RPS27L: variants seen among roughly 807,000 people sequenced by gnomAD.
RPS27L encodes the protein ribosomal protein eS27-like.
RPS27L carries 10 observed loss-of-function variants against 12.8 expected under a neutral mutation model. The ratio of observed to expected loss-of-function variants is 0.78; its 90% CI spans 0.48 to 1.33. The LOEUF (loss-of-function observed/expected upper bound fraction) is 1.33. Among genes scored for constraint, RPS27L ranks in the 40% most tolerant of loss-of-function variants. RPS27L has a pLI of 0.00. For synonymous variants in RPS27L, 26 were observed against 32.3 expected (o/e 0.81, Z 0.66); for missense variants, 81 against 97.4 (o/e 0.83, Z 0.71).
At position 63,157,397 on chromosome 15, in the gene RPS27L, C is replaced by CA; in HGVS notation, c.6+2dup. 6.2e-7 allele frequency: 1 copy of CA among 1,614,156 alleles called. No individual in the cohort carries two copies. Among genetic ancestry groups the CA allele is most frequent in the Non-Finnish European group, 8.5e-7 (1 of 1,179,986 alleles). On this transcript the variant is annotated splice_region_variant and intron_variant, in intron 1 of 3. Coordinates refer to ENST00000330964, the MANE Select transcript of RPS27L (RefSeq NM_015920.4). ...AACCCGGAGCCCGATGTAAACAACT[C>CA]ACAGGCATGTTGATCCTCTTGCAAG...
Position 63,155,712 on chromosome 15 carries a change from C to T in RPS27L, c.135G>A (p.Thr45=), listed in dbSNP as rs1249857874. 6.6e-7 allele frequency: 1 copy of T among 1,506,624 alleles called. No individual in the cohort carries two copies. The highest frequency in any genetic ancestry group is 2.4e-5 in the East Asian group (1 of 40,920). 93.3% of individuals were successfully genotyped at this position (1,506,624 alleles called of 1,614,324 possible). ...VKCPGCYKIT[T]VFSHAQTVVL... ...CCACTGTCTGAGCATGGCTGAAAAC[C>T]GTGGTGATCTTGTAGCAACCTAAAA... The change falls in exon 3 of 4, where the codon ACG becomes ACA. Residue 45 remains threonine, a synonymous_variant. Transcript: ENST00000330964.
Position 63,153,870 on chromosome 15 carries a change from C to A in RPS27L, c.*162G>T. 1 of 610,464 alleles carries A rather than the reference C, an allele frequency of 1.6e-6. No individual in the cohort carries two copies. The highest frequency in any genetic ancestry group is 2.9e-6 in the Non-Finnish European group (1 of 340,748). 37.8% of individuals were successfully genotyped at this position (610,464 alleles called of 1,614,324 possible). ...AGAGGGGATTTGCCCATAATCAAAA[C>A]TTTATTGAAAAACTGACACCAAAAT... On this transcript the variant is annotated 3_prime_UTR_variant, in exon 4 of 4. Coordinates refer to ENST00000330964, the MANE Select transcript of RPS27L (RefSeq NM_015920.4).
intron 3 of RPS27L, chr15:63,154,669 G>C (rs1182128505): frequency 6.6e-6 from 1 of 152,106 alleles, no homozygotes; most frequent in African/African-American, 2.4e-5. Flanking sequence ...AACTCTTCCA[G>C]TGAGAGCATG....
chr15:63,149,049 C>T lies in RPS27L; in HGVS notation c.*4983G>A, dbSNP rs6494396. On this transcript the variant is annotated 3_prime_UTR_variant, in exon 4 of 4. Transcript: ENST00000330964. ...AATTTTTGTATTTTTAGCAGAGACG[C>T]GGTTTCATCATGTTGGCCAGGATGG... The T allele has an allele frequency of 6.6e-6, 1 of 151,274 alleles. No individual in the cohort carries two copies. Among genetic ancestry groups the T allele is most frequent in the Admixed American group, 6.6e-5 (1 of 15,190 alleles). The allele number at this position is 151,274 out of a possible 1,614,324, so 9.4% of individuals were successfully genotyped here.
In RPS27L at chr15:63,153,011, T is replaced by C. The variant is rs1338419718; in HGVS notation, c.*1021A>G. 1.3e-5 allele frequency: 2 copies of C among 152,192 alleles called. No homozygotes were observed. The highest frequency in any genetic ancestry group is 2.9e-5 in the Non-Finnish European group (2 of 68,052). 9.4% of individuals were successfully genotyped at this position (152,192 alleles called of 1,614,324 possible). On this transcript the variant is annotated 3_prime_UTR_variant, in exon 4 of 4. Coordinates refer to ENST00000330964, the MANE Select transcript of RPS27L (RefSeq NM_015920.4). ...ATCTTCCTAGTCCAATGAGGAGTTGTATAGTGAGTGGATACACTCCCCGTC... is the reference window on the plus strand; with the variant it reads ...ATCTTCCTAGTCCAATGAGGAGTTGCATAGTGAGTGGATACACTCCCCGTC...
At chr15:63,155,367 A>C (rs2037325391) in intron 3 of RPS27L, 1 of 397,244 alleles carries the variant, frequency 2.5e-6, no homozygotes, top group African/African-American at 2.1e-5. Context: ...TTCTATTCTG[A>C]CTTAATTTAT....
Position 63,150,255 on chromosome 15 carries a change from A to G in RPS27L, c.*3777T>C, listed in dbSNP as rs745891648. The G allele has an allele frequency of 6.6e-6, 1 of 152,232 alleles. No individual in the cohort carries two copies. The highest frequency in any genetic ancestry group is 1.5e-5 in the Non-Finnish European group (1 of 68,038). The allele number at this position is 152,232 out of a possible 1,614,324, so 9.4% of individuals were successfully genotyped here. ...GTGAAACATACAGAAGCTACATACC[A>G]TGTGATTCCATTTATACGAAATAGC... On this transcript the variant is annotated 3_prime_UTR_variant, in exon 4 of 4. Transcript: ENST00000330964.
rs1299098101 is a variant in RPS27L, at chr15:63,152,517, G to T, written c.*1515C>A. ...TTTTTTTCTTTTTTTTTTTGAGACG[G>T]AGTTTCGTGCTTGTTGCCCAGGCTA... On this transcript the variant is annotated 3_prime_UTR_variant, in exon 4 of 4. Transcript: ENST00000330964. 2 of 143,732 alleles carry T rather than the reference G, an allele frequency of 1.4e-5. No homozygotes were observed. The highest frequency in any genetic ancestry group is 2.6e-5 in the African/African-American group (1 of 38,808). 8.9% of individuals were successfully genotyped at this position (143,732 alleles called of 1,614,324 possible).
At chr15:63,155,458 G>C in intron 3 of RPS27L, 163 bp downstream of exon 3, 2 of 491,354 alleles carry the variant, frequency 4.1e-6, no homozygotes, top group Non-Finnish European at 7.3e-6. Flanking sequence ...AAGGTCAAGA[G>C]TATAAATATA....
At position 63,151,391 on chromosome 15, in the gene RPS27L, GC is replaced by G. The variant is rs1355364129; in HGVS notation, c.*2640del. ...TGGGACTACAGGTGTACACCACCAC[GC>G]CCAGCTAATTTTTGTATGTTTAGTA... On this transcript the variant is annotated 3_prime_UTR_variant, in exon 4 of 4. Transcript: ENST00000330964. The G allele has an allele frequency of 1.3e-5, 2 of 151,998 alleles. No individual in the cohort carries two copies. The highest frequency in any genetic ancestry group is 2.4e-5 in the African/African-American group (1 of 41,364). The allele number at this position is 151,998 out of a possible 1,614,324, so 9.4% of individuals were successfully genotyped here.
Position 63,148,358 on chromosome 15 carries a change from TAAAGA to T in RPS27L, c.*5669_*5673del, listed in dbSNP as rs2037277844. The T allele has an allele frequency of 6.6e-6, 1 of 150,700 alleles. No individual in the cohort carries two copies. Among genetic ancestry groups the T allele is most frequent in the African/African-American group, 2.4e-5 (1 of 40,936 alleles). The allele number at this position is 150,700 out of a possible 1,614,324, so 9.3% of individuals were successfully genotyped here. A position where few individuals can be genotyped will look rare whatever the true frequency, so the allele number is the denominator to read the frequency against. On this transcript the variant is annotated 3_prime_UTR_variant, in exon 4 of 4. Coordinates refer to ENST00000330964, the MANE Select transcript of RPS27L (RefSeq NM_015920.4). ...GGTATTTTAATTAGTTGGCTACAAA[TAAAGA>T]AAAAACACAACTTCAAATTAATACA... is the stretch of plus-strand genomic sequence containing the variant.
At position 63,149,140 on chromosome 15, in the gene RPS27L, C is replaced by T. The variant is rs1193833243; in HGVS notation, c.*4892G>A. 2.0e-5 allele frequency: 3 copies of T among 152,106 alleles called. No individual in the cohort carries two copies. Among genetic ancestry groups the T allele is most frequent in the African/African-American group, 4.8e-5 (2 of 41,414 alleles). The allele number at this position is 152,106 out of a possible 1,614,324, so 9.4% of individuals were successfully genotyped here. On this transcript the variant is annotated 3_prime_UTR_variant, in exon 4 of 4. Coordinates refer to ENST00000330964, the MANE Select transcript of RPS27L (RefSeq NM_015920.4). ...AAGTGTTGGGATTACAGGCGTGAGC[C>T]ACCGCGCCCGGCCCCTGATGTCATT... is the stretch of plus-strand genomic sequence containing the variant.
chr15:63,157,345 T>A, intron 1 of RPS27L, 55 bp downstream of exon 1: 1 of 1,605,682 alleles, frequency 6.2e-7, no homozygotes. Context: ...CCGTCCCATA[T>A]GACTCTCGGT....
At position 63,152,519 on chromosome 15, in the gene RPS27L, G is replaced by A. The variant is rs1042429169; in HGVS notation, c.*1513C>T. 29 of 145,362 alleles carry A rather than the reference G, an allele frequency of 2.0e-4. No individual in the cohort carries two copies. Among genetic ancestry groups the A allele is most frequent in the African/African-American group, 7.4e-4 (29 of 39,006 alleles). 9.0% of individuals were successfully genotyped at this position (145,362 alleles called of 1,614,324 possible). A position where few individuals can be genotyped will look rare whatever the true frequency, so the allele number is the denominator to read the frequency against. On this transcript the variant is annotated 3_prime_UTR_variant, in exon 4 of 4. Transcript: ENST00000330964. The stretch of plus-strand genomic sequence containing the variant: ...TTTTTCTTTTTTTTTTTGAGACGGA[G>A]TTTCGTGCTTGTTGCCCAGGCTAGA...
chr15:63,156,817 C>T, intron 1 of RPS27L: 1 of 542,212 alleles, frequency 1.8e-6, no homozygotes, highest in East Asian at 3.3e-5. Context: ...ATGAAAACTG[C>T]GCGAAGTCGA....
Position 63,155,625 on chromosome 15 carries a change from T to C in RPS27L, c.222A>G (p.Thr74=). The C allele has an allele frequency of 6.3e-7, 1 of 1,582,264 alleles. No individual in the cohort carries two copies. Among genetic ancestry groups the C allele is most frequent in the Non-Finnish European group, 8.6e-7 (1 of 1,159,892 alleles). The change falls in exon 3 of 4, where the codon ACA becomes ACG. Residue 74 remains threonine (T), a synonymous_variant. Transcript: ENST00000330964. ...GGAGAATGCCAAATGATATACCTTCTGTGAGTCTGGCCTTTCCTCCTGTAG... is the reference window on the plus strand; with the variant it reads ...GGAGAATGCCAAATGATATACCTTCCGTGAGTCTGGCCTTTCCTCCTGTAG... ...CQPTGGKARL[T]EGCSFRRKQH
rs192310015 is a variant in RPS27L, at chr15:63,154,794, A to G, written c.227-734T>C. 2.1e-3 allele frequency: 322 copies of G among 152,158 alleles called. 2 individuals carry two copies. The highest frequency in any genetic ancestry group is 7.5e-3 in the African/African-American group (312 of 41,534). The allele number at this position is 152,158 out of a possible 1,614,324, so 9.4% of individuals were successfully genotyped here. ...TATAATTTTTTTTTCTTATTGCACT[A>G]AAGTGAAAGAGGAATTAAAATTAGG... On this transcript the variant is annotated intron_variant, in intron 3 of 3. Transcript: ENST00000330964.
chr15:63,157,433 C>G lies in RPS27L; in HGVS notation c.-28G>C, dbSNP rs1419814728. On this transcript the variant is annotated 5_prime_UTR_variant, in exon 1 of 4. Transcript: ENST00000330964. ...TGATCCTCTTGCAAGCTCAGCCCTA[C>G]CAGACCTCCCAGCCCACACAGCTAG... The G allele has an allele frequency of 1.9e-6, 3 of 1,613,694 alleles. No homozygotes were observed. Among genetic ancestry groups the G allele is most frequent in the Non-Finnish European group, 2.5e-6 (3 of 1,179,694 alleles).
rs1252901898 is a variant in RPS27L, at chr15:63,153,717, T to C, written c.*315A>G. The C allele has an allele frequency of 1.3e-5, 3 of 233,212 alleles. No individual in the cohort carries two copies. Among genetic ancestry groups the C allele is most frequent in the Non-Finnish European group, 2.3e-5 (3 of 130,150 alleles). 14.4% of individuals were successfully genotyped at this position (233,212 alleles called of 1,614,324 possible). On this transcript the variant is annotated 3_prime_UTR_variant, in exon 4 of 4. Coordinates refer to ENST00000330964, the MANE Select transcript of RPS27L (RefSeq NM_015920.4). Reference sequence around the variant, plus strand: ...TCCAGCTTGAGTGACAGAGCAGGACTCTCTCTCTCAAAAAAAAAAAAAAAG... The same window carrying C: ...TCCAGCTTGAGTGACAGAGCAGGACCCTCTCTCTCAAAAAAAAAAAAAAAG...
Sources: allele counts gnomAD v4.1 joint callset, GRCh38; gene constraint gnomAD v4.1.1; transcripts MANE v1.5; gene names NCBI Gene and HGNC (gene_info 2026-07-23, HGNC 2026-07-21).